Variants in MGA observed in about 807,000 individuals in gnomAD.
MGA encodes MAX gene-associated protein.
MGA carries 40 observed loss-of-function variants against 261.1 expected under a neutral mutation model. The ratio of observed to expected loss-of-function variants is 0.15; its 90% CI spans 0.12 to 0.20. The LOEUF (loss-of-function observed/expected upper bound fraction) is 0.20. MGA is among the 10% of genes least tolerant of loss of function. The pLI is 1.00. For synonymous variants in MGA, 1,302 were observed against 1,290.6 expected (o/e 1.01, Z -0.19); for missense variants, 3,397 against 3,630.5 (o/e 0.94, Z 1.65).
chr15:41,666,690 A>G (rs1382679982), intron 1 of MGA, among the ~76,000 whole-genome samples: 1 of 152,234 alleles, frequency 6.6e-6, no homozygotes, highest in African/African-American at 2.4e-5. Context: ...GCATTCATTA[A>G]GCTTATACAT....
intron 22 of MGA, among the ~76,000 whole-genome samples, chr15:41,763,144 G>A (rs1381035109): frequency 1.5e-5 from 2 of 137,650 alleles, no homozygotes; most frequent in Non-Finnish European, 3.1e-5. Context: ...CTGTTGCCCG[G>A]GCTGGAGTGC....
In MGA at chr15:41,707,418, G is replaced by T. The variant is rs973651215; in HGVS notation, c.2189-310G>T. On this transcript the variant is annotated intron_variant, in intron 5 of 23. Coordinates refer to ENST00000219905, the MANE Select transcript of MGA (RefSeq NM_001164273.2). ...AGATGGATAACTTGTGTTATCACAT[G>T]CACATTATCATGCACGTCCCATCTC... Among the ~76,000 whole-genome samples, 40 of 152,172 alleles carry T rather than the reference G, an allele frequency of 2.6e-4. 1 individual carries two copies. The highest frequency in any genetic ancestry group is 2.6e-3 in the Admixed American group (40 of 15,268).
intron 9 of MGA, among the ~76,000 whole-genome samples, chr15:41,718,014 CAAAA>C (rs759110458): frequency 1.1e-5 from 1 of 90,308 alleles, no homozygotes; most frequent in Non-Finnish European, 2.3e-5. Context: ...GACCCTGTCT[CAAAA>C]AAAAAAAAAA....
chr15:41,750,694 G>T (rs1402021328), intron 17 of MGA, 79 bp downstream of exon 17: 83 of 1,314,472 alleles, frequency 6.3e-5, no homozygotes, highest in South Asian at 2.1e-4. Context: ...TTTCAGAAGA[G>T]CACTAAGGCA....
At chr15:41,717,303 A>C (rs2060694391) in intron 9 of MGA, among the ~76,000 whole-genome samples, 2 of 152,190 alleles carry the variant, frequency 1.3e-5, no homozygotes, top group African/African-American at 2.4e-5. Flanking sequence ...CAAGGGAAAG[A>C]ATAAAACTTG....
At chr15:41,678,699 G>C (rs1182032932) in intron 2 of MGA, among the ~76,000 whole-genome samples, 2 of 151,248 alleles carry the variant, frequency 1.3e-5, no homozygotes, top group African/African-American at 4.9e-5. Flanking sequence ...CCCGGGAGGC[G>C]GAGGTTGCAG....
chr15:41,654,580 A>G (rs1350935735), intron 1 of MGA, among the ~76,000 whole-genome samples: 2 of 152,142 alleles, frequency 1.3e-5, no homozygotes, highest in African/African-American at 2.4e-5. Flanking sequence ...GGCTTCTTTC[A>G]TATGCATTTG....
At chr15:41,755,348 T>C (rs1251946301) in intron 18 of MGA, among the ~76,000 whole-genome samples, 1 of 152,212 alleles carries the variant, frequency 6.6e-6, no homozygotes, top group Non-Finnish European at 1.5e-5. Flanking sequence ...ACTAATAGTT[T>C]TCTTCAGTCC....
At chr15:41,634,715 A>G (rs2056664321) in intron 1 of MGA, among the ~76,000 whole-genome samples, 1 of 152,082 alleles carries the variant, frequency 6.6e-6, no homozygotes, top group Non-Finnish European at 1.5e-5. Context: ...CTAAGGCCAA[A>G]TGATGGTAAA....
At chr15:41,657,339 CTTTTT>C (rs373920516), upstream of MGA, among the ~76,000 whole-genome samples, 28 of 106,884 alleles carry the variant, frequency 2.6e-4, no homozygotes, top group African/African-American at 8.2e-4. Flanking sequence ...AGTGAAGGCC[CTTTTT>C]TTTTTTTTTT....
At chr15:41,674,105 T>C (rs922654643) in intron 2 of MGA, among the ~76,000 whole-genome samples, 3 of 152,200 alleles carry the variant, frequency 2.0e-5, no homozygotes, top group Non-Finnish European at 4.4e-5. Context: ...TTGGCCAGGC[T>C]GGTTTTGAAC....
intron 9 of MGA, among the ~76,000 whole-genome samples, chr15:41,715,137 C>CTTTTTTTTT (rs766195852): frequency 4.9e-3 from 610 of 124,238 alleles, no homozygotes; most frequent in Non-Finnish European, 7.8e-3. Flanking sequence ...TGGTTTCTGT[C>CTTTTTTTTT]TTTTTTTTTT....
Position 41,697,865 on chromosome 15 carries a change from A to G in MGA, c.2013+842A>G, listed in dbSNP as rs898346735. ...TTCTTGGAAATTTTTATAGAAGCCC[A>G]GTCTTTTTTTATTTATTTTTTGAGA... On this transcript the variant is annotated intron_variant, in intron 3 of 23. Coordinates refer to ENST00000219905, the MANE Select transcript of MGA (RefSeq NM_001164273.2). Among the ~76,000 whole-genome samples the G allele has an allele frequency of 3.9e-5, 6 of 152,080 alleles. 1 individual carries two copies. The highest frequency in any genetic ancestry group is 3.9e-4 in the Admixed American group (6 of 15,270).
chr15:41,621,972 G>A (rs532323745), intron 1 of MGA, among the ~76,000 whole-genome samples: 30 of 151,988 alleles, frequency 2.0e-4, no homozygotes, highest in African/African-American at 7.0e-4. Flanking sequence ...CCAAGCAGGG[G>A]GAGTGCTGGG....
At chr15:41,628,298 G>T (rs374015567) in intron 1 of MGA, among the ~76,000 whole-genome samples, 2 of 150,904 alleles carry the variant, frequency 1.3e-5, no homozygotes, top group African/African-American at 4.9e-5. Context: ...TCTTGAACCC[G>T]GGAGGTTGCG....
chr15:41,707,698 A>G (rs760821333), intron 5 of MGA, 30 bp from the exon 6 acceptor site: 56 of 1,573,104 alleles, frequency 3.6e-5, no homozygotes, highest in African/African-American at 8.2e-5. Context: ...TGATTAATCT[A>G]TGGAAATATG....
At chr15:41,687,232 C>CAT (rs1474921825) in intron 2 of MGA, among the ~76,000 whole-genome samples, 1 of 151,946 alleles carries the variant, frequency 6.6e-6, no homozygotes, top group African/African-American at 2.4e-5. Flanking sequence ...ACCCATGGAT[C>CAT]ATATGTGCCT....
chr15:41,764,065 A>G (rs2063653796), intron 22 of MGA, among the ~76,000 whole-genome samples: 1 of 152,032 alleles, frequency 6.6e-6, no homozygotes. Context: ...AGGCTGAGGC[A>G]GGAGAATCAC....
chr15:41,729,453 A>C (rs1047712505), intron 11 of MGA, 104 bp downstream of exon 11: 2 of 1,121,634 alleles, frequency 1.8e-6, no homozygotes, highest in African/African-American at 3.2e-5. Context: ...AGGGCAGAGA[A>C]GTCATACATG....
Sources: allele counts gnomAD v4.1 joint callset (sites outside exome capture counted in the v4.1 genomes callset), GRCh38; gene constraint gnomAD v4.1.1; transcripts MANE v1.5; gene names NCBI Gene and HGNC (gene_info 2026-07-23, HGNC 2026-07-21).